PTPRS: variants seen among roughly 807,000 people sequenced by gnomAD.
The protein encoded by PTPRS is protein tyrosine phosphatase receptor type S, also known as receptor-type tyrosine-protein phosphatase S.
In PTPRS, 63 loss-of-function variants were observed where a neutral mutation model predicts 215.3. The observed-to-expected ratio is 0.29, with a 90% confidence interval of 0.24 to 0.36. The LOEUF is 0.36. Among genes scored for constraint, PTPRS ranks in the 10% least tolerant of loss-of-function variants. The pLI is 1.00. For missense variants in PTPRS, 2,258 were observed against 2,825.8 expected, an observed-to-expected ratio of 0.80 and a Z score of 4.56; for synonymous variants, 1,404 against 1,191.4, an observed-to-expected ratio of 1.18 and a Z score of -3.68.
intron 1 of PTPRS, among the ~76,000 whole-genome samples, chr19:5,296,800 C>T (rs965793637): frequency 6.6e-6 from 1 of 152,010 alleles, no homozygotes; most frequent in Admixed American, 6.6e-5. Context: ...GGCTTTGACC[C>T]TGAGGAAGGT....
At chr19:5,297,080 GC>G (rs35642634) in intron 1 of PTPRS, among the ~76,000 whole-genome samples, 24,626 of 152,024 alleles carry the variant, frequency 0.16, 2,634 homozygotes, top group Non-Finnish European at 0.25. Context: ...CCTCCAGGAA[GC>G]CCTCCCTGAT....
chr19:5,317,085 G>A (rs1296299911), intron 1 of PTPRS, among the ~76,000 whole-genome samples: 1 of 152,188 alleles, frequency 6.6e-6, no homozygotes, highest in Non-Finnish European at 1.5e-5. Context: ...GGCTGGAGTG[G>A]CCATGGCGGG....
intron 1 of PTPRS, among the ~76,000 whole-genome samples, chr19:5,308,377 C>T (rs2049572215): frequency 6.6e-6 from 1 of 152,190 alleles, no homozygotes; most frequent in African/African-American, 2.4e-5. Flanking sequence ...ATCGTCCCCC[C>T]AGACTCCTTA....
chr19:5,240,386 G>A (rs2043929420), intron 11 of PTPRS, 54 bp from the exon 12 acceptor site: 1 of 1,499,240 alleles, frequency 6.7e-7, no homozygotes, highest in Non-Finnish European at 8.9e-7. Context: ...CCCCACAAAG[G>A]GGGCCCCACC....
chr19:5,267,423 GAAGC>G (rs2046489797), intron 4 of PTPRS, among the ~76,000 whole-genome samples: 2 of 152,120 alleles, frequency 1.3e-5, no homozygotes, highest in African/African-American at 4.8e-5. Context: ...TTGGGAGGAC[GAAGC>G]AGGTGGATCA....
rs1454433289 is a variant in PTPRS, at chr19:5,246,061, C to A, written c.719-16G>T. ...ACGCGGCGGACTGGGGAGGGGGCGG[C>A]AGTGGCGGCGGGAGGGAGATGCGAG... On this transcript the variant is annotated splice_polypyrimidine_tract_variant and intron_variant, in intron 9 of 37. Transcript: ENST00000262963. The A allele has an allele frequency of 7.1e-7, 1 of 1,408,550 alleles. No individual in the cohort carries two copies. The highest frequency in any genetic ancestry group is 9.3e-7 in the Non-Finnish European group (1 of 1,075,402). The allele number at this position is 1,408,550 out of a possible 1,614,324, so 87.3% of individuals were successfully genotyped here.
At chr19:5,248,088 G>A (rs1212489204) in intron 9 of PTPRS, among the ~76,000 whole-genome samples, 1 of 150,282 alleles carries the variant, frequency 6.7e-6, no homozygotes, top group African/African-American at 2.5e-5. Flanking sequence ...GGGGTGTGGG[G>A]GGAGAATGGG....
chr19:5,329,754 C>T (rs540119018), intron 1 of PTPRS, among the ~76,000 whole-genome samples: 3 of 133,472 alleles, frequency 2.2e-5, no homozygotes, highest in South Asian at 2.4e-4. Context: ...AACAGAGCAA[C>T]ACTCCATCTC....
At chr19:5,291,527 G>A (rs1399320169) in intron 1 of PTPRS, among the ~76,000 whole-genome samples, 1 of 152,004 alleles carries the variant, frequency 6.6e-6, no homozygotes, top group East Asian at 1.9e-4. Context: ...CACCCACGGG[G>A]GCTCCCAGCT....
chr19:5,239,712 G>C lies in PTPRS; in HGVS notation c.1704+487C>G, dbSNP rs529197738. On this transcript the variant is annotated intron_variant, in intron 12 of 37. Transcript: ENST00000262963. ...ATAGAGATAGAGACAGAAATAGAGA[G>C]AGAGGAGAAAGAAACAGATACAGAG... is the stretch of plus-strand genomic sequence containing the variant. Among the ~76,000 whole-genome samples the C allele has an allele frequency of 2.0e-5, 3 of 151,348 alleles. No homozygotes were observed. In the South Asian group the frequency reaches 6.3e-4, roughly 32 times the overall value.
chr19:5,229,282 C>G lies in PTPRS; in HGVS notation c.2376+34G>C, dbSNP rs761307966. The stretch of plus-strand genomic sequence containing the variant: ...CACAGCACGGCCCGCGGGAAGCGCA[C>G]AGCAGTAGGTGGGTGGCCAGGGGCG... On this transcript the variant is annotated intron_variant, in intron 16 of 37. Transcript: ENST00000262963. 8 of 1,369,892 alleles carry G rather than the reference C, an allele frequency of 5.8e-6. No homozygotes were observed. In the South Asian group the frequency reaches 1.7e-4, roughly 30 times the overall value. The allele number at this position is 1,369,892 out of a possible 1,614,324, so 84.9% of individuals were successfully genotyped here. A position where few individuals can be genotyped will look rare whatever the true frequency, so the allele number is the denominator to read the frequency against.
At chr19:5,305,797 G>A (rs1490528627) in intron 1 of PTPRS, among the ~76,000 whole-genome samples, 4 of 143,252 alleles carry the variant, frequency 2.8e-5, no homozygotes, top group South Asian at 4.5e-4. Context: ...CCAATTAGCC[G>A]GGCGTGGTGG....
rs1250348207 is a variant in PTPRS at position 5,207,979 on chromosome 19, G to A, written c.5721C>T (p.Asp1907=). The A allele has an allele frequency of 6.2e-7, 1 of 1,613,982 alleles. No individual in the cohort carries two copies. The highest frequency in any genetic ancestry group is 1.3e-5 in the African/African-American group (1 of 74,944). Residue 1907 remains aspartate (D), a synonymous_variant, in exon 37 of 38, where the codon GAC becomes GAT. Coordinates refer to ENST00000262963, the MANE Select transcript of PTPRS (RefSeq NM_002850.4). ...GTAGCATCTTCACCGTCTGAAAGAT[G>A]TCCACCACGCCTTCATACCGCATCC... The part of the protein sequence containing the change: ...LERMRYEGVV[D]IFQTVKMLRT...
intron 4 of PTPRS, among the ~76,000 whole-genome samples, chr19:5,269,221 G>C (rs1045705066): frequency 3.3e-5 from 5 of 152,146 alleles, no homozygotes; most frequent in Middle Eastern, 3.2e-3. Context: ...CAATTCCCGT[G>C]TGTATGTGGC....
At chr19:5,268,319 A>G (rs917434725) in intron 4 of PTPRS, among the ~76,000 whole-genome samples, 2 of 152,128 alleles carry the variant, frequency 1.3e-5, no homozygotes, top group Non-Finnish European at 2.9e-5. Flanking sequence ...AGAGCCAAAA[A>G]TATTTACTTC....
intron 5 of PTPRS, among the ~76,000 whole-genome samples, chr19:5,263,945 C>T (rs890825366): frequency 6.6e-6 from 1 of 152,188 alleles, no homozygotes; most frequent in African/African-American, 2.4e-5. Context: ...GACATGCACA[C>T]GTGGACATGT....
chr19:5,237,310 C>T lies in PTPRS; in HGVS notation c.1849+1609G>A, dbSNP rs1459253198. On this transcript the variant is annotated intron_variant, in intron 13 of 37. Transcript: ENST00000262963. The surrounding 1 kb of genome is among the most constrained non-coding windows in gnomAD (Gnocchi z 4.2). ...GCAGTCCCCGGGGGGATGGATACGC[C>T]TGGCCCTGAGTCTTTGCTGTCGGTT... is the stretch of plus-strand genomic sequence containing the variant. 6.6e-6 allele frequency among the ~76,000 whole-genome samples: 1 copy of T among 152,252 alleles called. No homozygotes were observed. Among genetic ancestry groups the T allele is most frequent in the Non-Finnish European group, 1.5e-5 (1 of 68,050 alleles).
chr19:5,297,240 T>TG (rs925403847), intron 1 of PTPRS, among the ~76,000 whole-genome samples: 4 of 152,168 alleles, frequency 2.6e-5, no homozygotes. Context: ...GCTGGGACGT[T>TG]GGGGGGTAAT....
intron 10 of PTPRS, 136 bp downstream of exon 10, chr19:5,245,640 C>G: frequency 4.6e-6 from 6 of 1,305,118 alleles, no homozygotes; most frequent in Non-Finnish European, 6.1e-6. Flanking sequence ...GAACAACCGT[C>G]CCCTTCCTAG....
Sources: gnomAD v4.1 joint callset for allele counts (sites outside exome capture counted in the v4.1 genomes callset) on GRCh38, gnomAD v4.1.1 for gene constraint, Gnocchi (gnomAD v3.1) non-coding constraint, MANE v1.5 for transcripts, NCBI Gene and HGNC (gene_info 2026-07-23, HGNC 2026-07-21) for gene names.